The following NFATC2 variants were observed in gnomAD, a reference collection of about 807,000 sequenced individuals.
The protein encoded by NFATC2 is nuclear factor of activated T cells 2, also known as nuclear factor of activated T-cells, cytoplasmic 2.
In NFATC2, 22 loss-of-function variants were observed where a neutral mutation model predicts 87.3. The observed-to-expected ratio is 0.25, with a 90% CI of 0.18 to 0.36. The LOEUF is 0.36. Among genes scored for constraint, NFATC2 ranks in the 10% least tolerant of loss-of-function variants. The pLI is 1.00. For synonymous variants in NFATC2, 565 were observed against 542.2 expected, an observed-to-expected ratio of 1.04 and a Z score of -0.58; for missense variants, 1,149 against 1,259.1, an observed-to-expected ratio of 0.91 and a Z score of 1.32.
chr20:51,551,824 A>G (rs73616804), intron 1 of NFATC2, among the ~76,000 whole-genome samples: 1,728 of 151,610 alleles, frequency 0.011, 31 homozygotes, highest in African/African-American at 0.033. Context: ...TCAGGAGATC[A>G]AGACCATCCT....
chr20:51,502,998 G>A (rs1012239739), intron 3 of NFATC2, among the ~76,000 whole-genome samples: 5 of 152,160 alleles, frequency 3.3e-5, no homozygotes, highest in African/African-American at 1.2e-4. Flanking sequence ...TCATTTATTA[G>A]GAAGGTAAAA....
intron 5 of NFATC2, among the ~76,000 whole-genome samples, chr20:51,454,983 T>C (rs1237430520): frequency 1.3e-5 from 2 of 152,244 alleles, no homozygotes; most frequent in African/African-American, 4.8e-5. Flanking sequence ...GTTGTCCTTA[T>C]AAGGAGAACA....
chr20:51,457,355 A>C (rs1986661895), intron 5 of NFATC2, among the ~76,000 whole-genome samples: 1 of 152,216 alleles, frequency 6.6e-6, no homozygotes, highest in Admixed American at 6.5e-5. Context: ...AGCCAGCCCA[A>C]GGCTTGCAGC....
intron 9 of NFATC2, among the ~76,000 whole-genome samples, chr20:51,409,337 C>A (rs1978846696): frequency 6.6e-6 from 1 of 152,148 alleles, no homozygotes; most frequent in African/African-American, 2.4e-5. Flanking sequence ...TGGAAACAAT[C>A]AAATGCCCAC....
chr20:51,562,699 G>A, upstream of NFATC2: 1 of 1,438,976 alleles, frequency 6.9e-7, no homozygotes, highest in East Asian at 2.5e-5. This position sits in a 1 kb window ranked among gnomAD's most constrained non-coding sequence, Gnocchi z 5.8. Context: ...CAGCCGAGGG[G>A]ACGCCGTCTT....
intron 10 of NFATC2, among the ~76,000 whole-genome samples, chr20:51,397,489 A>G (rs1031912208): frequency 6.6e-6 from 1 of 152,210 alleles, no homozygotes; most frequent in African/African-American, 2.4e-5. Flanking sequence ...AAAGTCCCCA[A>G]GCCCAAGACA....
At chr20:51,561,500 C>A (rs147705200) in intron 1 of NFATC2, among the ~76,000 whole-genome samples, 2,106 of 129,100 alleles carry the variant, frequency 0.016, 14 homozygotes, top group African/African-American at 0.019. Flanking sequence ...AGCAAGCAAG[C>A]AAGCAAGCAA....
At chr20:51,487,651 G>T (rs1298656751) in intron 3 of NFATC2, among the ~76,000 whole-genome samples, 1 of 152,182 alleles carries the variant, frequency 6.6e-6, no homozygotes, top group African/African-American at 2.4e-5. Flanking sequence ...AGAGGCAAAA[G>T]CTAGGGCTGA....
At chr20:51,404,335 A>G (rs1988349134) in intron 9 of NFATC2, among the ~76,000 whole-genome samples, 1 of 152,200 alleles carries the variant, frequency 6.6e-6, no homozygotes, top group African/African-American at 2.4e-5. Context: ...CTCCTCTGTT[A>G]AAGGTGGGCA....
intron 9 of NFATC2, among the ~76,000 whole-genome samples, chr20:51,421,879 T>A (rs57534807): frequency 0.13 from 19,508 of 152,158 alleles, 3,744 homozygotes; most frequent in African/African-American, 0.41. Context: ...TCAATCCAGT[T>A]GGGGAGAGGG....
rs185854314 is a variant in NFATC2 at position 51,553,870 on chromosome 20, C to T, written c.70+8690G>A. Among the ~76,000 whole-genome samples, 490 of 152,098 alleles carry T rather than the reference C, an allele frequency of 3.2e-3. 1 individual carries two copies. Among genetic ancestry groups the T allele is most frequent in the Admixed American group, 5.2e-3 (79 of 15,258 alleles). On this transcript the variant is annotated intron_variant, in intron 1 of 10. Transcript: ENST00000414705. ...TAGGGGATAGAGTATTGGTTAATATCTGCCCATCCCCACAATCATTTCTCA... is the reference window on the plus strand; with the variant it reads ...TAGGGGATAGAGTATTGGTTAATATTTGCCCATCCCCACAATCATTTCTCA...
Position 51,472,163 on chromosome 20 carries a change from G to A in NFATC2, c.1708+1817C>T, listed in dbSNP as rs569764197. ...CCAGTTACTTGGAGGGCTGAGGCAG[G>A]AGAATCACTTGAACCCGGGAGGTAG... is the stretch of plus-strand genomic sequence containing the variant. On this transcript the variant is annotated intron_variant, in intron 5 of 10. Coordinates refer to ENST00000371564, the MANE Select transcript of NFATC2 (RefSeq NM_012340.5). Among the ~76,000 whole-genome samples the A allele has an allele frequency of 5.9e-5, 9 of 152,290 alleles. No individual in the cohort carries two copies. In the South Asian group the frequency reaches 1.7e-3, roughly 28 times the overall value.
At chr20:51,417,641 CTCA>C (rs1980228934) in intron 9 of NFATC2, among the ~76,000 whole-genome samples, 1 of 152,206 alleles carries the variant, frequency 6.6e-6, no homozygotes, top group Admixed American at 6.5e-5. Context: ...ATCTGAAATT[CTCA>C]TCATTTTCTG....
chr20:51,556,379 C>A (rs941043106), intron 1 of NFATC2, among the ~76,000 whole-genome samples: 4 of 152,222 alleles, frequency 2.6e-5, no homozygotes, highest in Non-Finnish European at 5.9e-5. Context: ...TTCGCAACTC[C>A]ATTCTCCTTT....
chr20:51,445,444 T>A (rs1337887204), intron 6 of NFATC2, among the ~76,000 whole-genome samples: 3 of 152,088 alleles, frequency 2.0e-5, no homozygotes, highest in African/African-American at 4.8e-5. Context: ...GTTACCAGAT[T>A]TAACCAATAA....
intron 2 of NFATC2, among the ~76,000 whole-genome samples, chr20:51,522,680 G>T (rs185198858): frequency 6.7e-6 from 1 of 150,102 alleles, no homozygotes; most frequent in African/African-American, 2.5e-5. Context: ...GGCTTGCTTT[G>T]TGCCTACCAG....
At chr20:51,519,114 C>T (rs374482142) in intron 2 of NFATC2, among the ~76,000 whole-genome samples, 40 of 152,206 alleles carry the variant, frequency 2.6e-4, no homozygotes, top group African/African-American at 9.4e-4. Flanking sequence ...CTGCAACCAA[C>T]GAGCCACACG....
At chr20:51,439,726 C>T (rs987017115) in intron 6 of NFATC2, among the ~76,000 whole-genome samples, 30 of 152,206 alleles carry the variant, frequency 2.0e-4, no homozygotes, top group African/African-American at 6.8e-4. Context: ...TTCTGTCACC[C>T]CAGTGCTCTG....
intron 1 of NFATC2, among the ~76,000 whole-genome samples, chr20:51,561,476 AAAGAAAGAAAGC>A (rs1160361483): frequency 0.01 from 1,330 of 131,648 alleles, 8 homozygotes; most frequent in East Asian, 0.017. Flanking sequence ...AGAAAGAAAG[AAAGAAAGAAAGC>A]AAGCAAGCAA....
Sources: gnomAD v4.1 joint callset for allele counts (sites outside exome capture counted in the v4.1 genomes callset) on GRCh38, gnomAD v4.1.1 for gene constraint, Gnocchi (gnomAD v3.1) non-coding constraint, MANE v1.5 for transcripts, NCBI Gene and HGNC (gene_info 2026-07-23, HGNC 2026-07-21) for gene names.